ARHGEF33: variants seen among roughly 807,000 people sequenced by gnomAD.
ARHGEF33 encodes Rho guanine nucleotide exchange factor 33, also known as DH and coiled-coil domain-containing protein ENSP00000381780.
ARHGEF33 carries 72 observed loss-of-function variants against 101.9 expected under a neutral mutation model. That is an observed-to-expected ratio of 0.71 (90% CI 0.58 to 0.86). ARHGEF33 has a LOEUF of 0.86. ARHGEF33 is among the 40% of genes least tolerant of loss of function. The pLI is 0.00. For missense variants in ARHGEF33, 1,169 were observed against 1,111.3 expected, an observed-to-expected ratio of 1.05 and a Z score of -0.74; for synonymous variants, 499 against 442.5, an observed-to-expected ratio of 1.13 and a Z score of -1.60.
chr2:38,955,299 A>G (rs1158270410), intron 13 of ARHGEF33, among the ~76,000 whole-genome samples: 2 of 152,034 alleles, frequency 1.3e-5, no homozygotes, highest in African/African-American at 4.8e-5. Flanking sequence ...GAGGAAGAAG[A>G]GTTGAAAGAG....
intron 8 of ARHGEF33, among the ~76,000 whole-genome samples, chr2:38,936,455 G>A (rs1667132083): frequency 6.6e-6 from 1 of 152,156 alleles, no homozygotes; most frequent in Non-Finnish European, 1.5e-5. Context: ...GTGCTCACCT[G>A]AAAGGAAGCA....
In ARHGEF33 at chr2:38,960,300, G is replaced by T. The variant is rs936951380; in HGVS notation, c.1995G>T (p.Glu665Asp). The stretch of plus-strand genomic sequence containing the variant: ...TGCGGCCCGTCAGCTTCGCCATGGA[G>T]GCCGAGCGGCCGGAGCACCCGCTGC... ...CFLRPVSFAM[E>D]AERPEHPLQP... is the part of the protein sequence containing the mutation. The change falls in exon 16 of 18, where the codon GAG becomes GAT. Residue 665 changes from glutamate (E) to aspartate (D), a missense_variant. Coordinates refer to ENST00000409978, the MANE Select transcript of ARHGEF33 (RefSeq NM_001145451.5). 1.7e-5 allele frequency: 27 copies of T among 1,545,292 alleles called. No individual in the cohort carries two copies. Among genetic ancestry groups the T allele is most frequent in the Non-Finnish European group, 2.4e-5 (27 of 1,146,042 alleles).
At chr2:38,935,068 C>T (rs917823992) in intron 7 of ARHGEF33, among the ~76,000 whole-genome samples, 1 of 148,126 alleles carries the variant, frequency 6.8e-6, no homozygotes, top group African/African-American at 2.5e-5. Context: ...AAAAAAGAAA[C>T]AGCAGGCATG....
At chr2:38,906,425 G>A (rs898268061) in intron 2 of ARHGEF33, among the ~76,000 whole-genome samples, 3 of 152,116 alleles carry the variant, frequency 2.0e-5, no homozygotes, top group Admixed American at 2.0e-4. Flanking sequence ...GCATGTTCTG[G>A]TCTCCTTATG....
intron 3 of ARHGEF33, among the ~76,000 whole-genome samples, chr2:38,920,292 A>T (rs1170212583): frequency 1.3e-5 from 2 of 150,534 alleles, no homozygotes; most frequent in Non-Finnish European, 3.0e-5. Flanking sequence ...TTTTACATGG[A>T]TTGCCTCATC....
chr2:38,939,846 ACTTT>A (rs1449138556), intron 9 of ARHGEF33, among the ~76,000 whole-genome samples: 1 of 152,122 alleles, frequency 6.6e-6, no homozygotes, highest in African/African-American at 2.4e-5. Context: ...ATAGCTCGTG[ACTTT>A]CTTGTCTTTC....
chr2:38,959,694 G>T, intron 15 of ARHGEF33, 147 bp from the exon 16 acceptor site: 1 of 855,640 alleles, frequency 1.2e-6, no homozygotes. Context: ...GGGGGTTCGT[G>T]GGAGCGCCTT....
At chr2:38,891,355 C>T (rs1179122546) in intron 1 of ARHGEF33, among the ~76,000 whole-genome samples, 4 of 152,070 alleles carry the variant, frequency 2.6e-5, no homozygotes, top group African/African-American at 9.7e-5. Flanking sequence ...ATCAACTGAT[C>T]TTCCTCCTTC....
chr2:38,952,034 C>G (rs74660967), intron 11 of ARHGEF33, among the ~76,000 whole-genome samples: 129 of 152,264 alleles, frequency 8.5e-4, no homozygotes, highest in African/African-American at 2.6e-3. Flanking sequence ...TCAGCTTTAT[C>G]CAATCATTAT....
chr2:38,930,011 A>AT (rs1409003235), intron 6 of ARHGEF33, among the ~76,000 whole-genome samples, 181 bp downstream of exon 6: 2 of 152,232 alleles, frequency 1.3e-5, no homozygotes, highest in African/African-American at 4.8e-5. Context: ...GATGGTACCT[A>AT]TTACATAGAA....
chr2:38,897,617 T>A (rs1666149515), intron 2 of ARHGEF33, among the ~76,000 whole-genome samples: 1 of 152,192 alleles, frequency 6.6e-6, no homozygotes, highest in Non-Finnish European at 1.5e-5. Flanking sequence ...ATTTTGCCTA[T>A]AATTTAGAGG....
chr2:38,962,753 G>A (rs1469475807), intron 16 of ARHGEF33, among the ~76,000 whole-genome samples: 3 of 141,864 alleles, frequency 2.1e-5, no homozygotes, highest in Admixed American at 1.6e-4. Flanking sequence ...GGTGGCTCAC[G>A]CCCGTAATCC....
intron 9 of ARHGEF33, among the ~76,000 whole-genome samples, chr2:38,938,070 A>C (rs113506267): frequency 6.6e-6 from 1 of 152,164 alleles, no homozygotes; most frequent in Admixed American, 6.5e-5. Flanking sequence ...TTAAAGTCAA[A>C]TACATGAAAA....
chr2:38,929,653 G>A, intron 5 of ARHGEF33, 56 bp from the exon 6 acceptor site: 1 of 1,450,248 alleles, frequency 6.9e-7, no homozygotes. Context: ...GCTAGATTAT[G>A]TTATATACTT....
chr2:38,946,682 G>A (rs760906712), intron 10 of ARHGEF33, among the ~76,000 whole-genome samples: 8 of 152,152 alleles, frequency 5.3e-5, no homozygotes, highest in Non-Finnish European at 1.0e-4. Context: ...CTGGAGTGCA[G>A]TGGCATTATC....
At chr2:38,942,892 C>T (rs1340334550) in intron 9 of ARHGEF33, among the ~76,000 whole-genome samples, 3 of 152,168 alleles carry the variant, frequency 2.0e-5, no homozygotes, top group South Asian at 2.1e-4. Context: ...TCATTATAGA[C>T]AGGCTAATCA....
At chr2:38,958,791 C>T (rs1667839372) in intron 15 of ARHGEF33, among the ~76,000 whole-genome samples, 1 of 152,226 alleles carries the variant, frequency 6.6e-6, no homozygotes, top group Non-Finnish European at 1.5e-5. Flanking sequence ...AAGGGATTCT[C>T]CTGCCTCAGC....
intron 2 of ARHGEF33, 140 bp downstream of exon 2, chr2:38,895,989 C>A (rs1418355735): frequency 6.6e-6 from 1 of 152,018 alleles, no homozygotes; most frequent in Non-Finnish European, 1.5e-5. Context: ...GGTTTGATAA[C>A]CATCAAATAA....
At chr2:38,952,538 AC>A (rs1667637902) in intron 11 of ARHGEF33, among the ~76,000 whole-genome samples, 1 of 152,208 alleles carries the variant, frequency 6.6e-6, no homozygotes, top group African/African-American at 2.4e-5. Flanking sequence ...AATAAAAGAT[AC>A]ATTTTTATTG....
Sources: allele counts gnomAD v4.1 joint callset (sites outside exome capture counted in the v4.1 genomes callset), GRCh38; gene constraint gnomAD v4.1.1; transcripts MANE v1.5; gene names NCBI Gene and HGNC (gene_info 2026-07-23, HGNC 2026-07-21).